The following PCDHGB1 variants were observed in gnomAD, a reference collection of about 807,000 sequenced individuals.
PCDHGB1 encodes protocadherin gamma subfamily B, 1.
Under a neutral mutation model 56.6 loss-of-function variants are expected in PCDHGB1, and 34 were observed. That is an observed-to-expected ratio of 0.60 (90% confidence interval 0.46 to 0.80). The LOEUF (loss-of-function observed/expected upper bound fraction) is 0.80. PCDHGB1 is among the 30% of genes least tolerant of loss of function. The pLI, the probability that PCDHGB1 is intolerant of heterozygous loss-of-function variation, is 0.00. For synonymous variants in PCDHGB1, 561 were observed against 505.9 expected, an observed-to-expected ratio of 1.11 and a Z score of -1.46; for missense variants, 1,278 against 1,204.6, an observed-to-expected ratio of 1.06 and a Z score of -0.90.
intron 1 of PCDHGB1, chr5:141,366,493 G>A: frequency 4.3e-6 from 7 of 1,614,256 alleles, no homozygotes; most frequent in Non-Finnish European, 5.9e-6. Context: ...GCTGGCACAA[G>A]TCACGCCTGC....
intron 1 of PCDHGB1, chr5:141,403,542 A>T (rs561106024): frequency 1.2e-6 from 2 of 1,613,990 alleles, no homozygotes; most frequent in East Asian, 4.5e-5. Context: ...CTGGTGCTGG[A>T]GCGCGCCCTG....
At chr5:141,498,796 G>C (rs1160540093) in intron 2 of PCDHGB1, among the ~76,000 whole-genome samples, 1 of 152,032 alleles carries the variant, frequency 6.6e-6, no homozygotes, top group African/African-American at 2.4e-5. Context: ...AGCCAGGTGT[G>C]GTGGTGCACA....
At chr5:141,463,438 C>CTTTTTT (rs71576115) in intron 1 of PCDHGB1, among the ~76,000 whole-genome samples, 4 of 103,256 alleles carry the variant, frequency 3.9e-5, no homozygotes, top group African/African-American at 1.3e-4. Context: ...TTTCCTTCTC[C>CTTTTTT]TTTTTTTTTT....
At chr5:141,430,945 C>G (rs1466092130) in intron 1 of PCDHGB1, 1 of 1,609,234 alleles carries the variant, frequency 6.2e-7, no homozygotes, top group Non-Finnish European at 8.5e-7. Context: ...TCGCGGAGCG[C>G]GGAGTCCGCA....
rs143252334 is a variant in PCDHGB1 at position 141,431,395 on chromosome 5, T to A, written c.2410-63412T>A. On this transcript the variant is annotated intron_variant, in intron 1 of 3. Transcript: ENST00000523390. The surrounding 1 kb of genome is among the most constrained non-coding windows in gnomAD (Gnocchi z 4.8). ...AAAAGGCTGCTCACCACCTGGTCCT[T>A]ACGGCCTCCGACGGGGGCGACCCGG... 2 of 1,613,720 alleles carry A rather than the reference T, an allele frequency of 1.2e-6. No individual in the cohort carries two copies. Among genetic ancestry groups the A allele is most frequent in the African/African-American group, 2.7e-5 (2 of 74,950 alleles).
At chr5:141,405,448 C>G in intron 1 of PCDHGB1, 1 of 1,314,742 alleles carries the variant, frequency 7.6e-7, no homozygotes, top group Non-Finnish European at 1.1e-6. Context: ...GAGACAGAGT[C>G]TTACTCTGTT....
At chr5:141,467,055 C>CTTTTTTTTTTTT (rs1193465269) in intron 1 of PCDHGB1, among the ~76,000 whole-genome samples, 1 of 134,498 alleles carries the variant, frequency 7.4e-6, no homozygotes. Context: ...TCAATGTTTT[C>CTTTTTTTTTTTT]TTTTTTTTTT....
chr5:141,483,872 T>A (rs1373802168), intron 1 of PCDHGB1, among the ~76,000 whole-genome samples: 1 of 152,080 alleles, frequency 6.6e-6, no homozygotes, highest in African/African-American at 2.4e-5. Context: ...CAGATCAGGA[T>A]GGATTTTTCT....
At chr5:141,488,217 A>G (rs537136341) in intron 1 of PCDHGB1, among the ~76,000 whole-genome samples, 2 of 152,274 alleles carry the variant, frequency 1.3e-5, no homozygotes, top group East Asian at 1.9e-4. Flanking sequence ...TCAAGTCCCT[A>G]CTGGGGATTT....
Position 141,395,117 on chromosome 5 carries a change from G to C in PCDHGB1, c.2409+42448G>C. 4 of 1,614,192 alleles carry C rather than the reference G, an allele frequency of 2.5e-6. No homozygotes were observed. The South Asian group carries it at 4.4e-5, about 18-fold the overall frequency. ...CCGCCGACTCGCGGAAGAGTCACCT[G>C]ATCTTTCCCCAGCCCAACTACGCAG... On this transcript the variant is annotated intron_variant, in intron 1 of 3. Coordinates refer to ENST00000523390, the MANE Select transcript of PCDHGB1 (RefSeq NM_018922.3).
chr5:141,409,951 G>C (rs1480000390), intron 1 of PCDHGB1: 1 of 1,613,256 alleles, frequency 6.2e-7, no homozygotes, highest in Non-Finnish European at 8.5e-7. Flanking sequence ...GCTCTGCAGA[G>C]CCCGGCTACC....
intron 3 of PCDHGB1, among the ~76,000 whole-genome samples, chr5:141,510,691 T>C (rs1013489554): frequency 4.6e-5 from 7 of 152,138 alleles, no homozygotes; most frequent in African/African-American, 1.7e-4. Flanking sequence ...GGAGGTTAGG[T>C]AGACTTGCCC....
intron 1 of PCDHGB1, chr5:141,415,006 C>T (rs1353721901): frequency 1.2e-6 from 2 of 1,613,652 alleles, no homozygotes; most frequent in Non-Finnish European, 8.5e-7. Flanking sequence ...GCTGTCCTAC[C>T]GTCTGCTCAA....
rs371690754 is a variant in PCDHGB1 at position 141,388,891 on chromosome 5, T to C, written c.2409+36222T>C. 1.9e-5 allele frequency: 31 copies of C among 1,613,872 alleles called. No individual in the cohort carries two copies. Among genetic ancestry groups the C allele is most frequent in the Middle Eastern group, 1.6e-4 (1 of 6,062 alleles). On this transcript the variant is annotated intron_variant, in intron 1 of 3. Coordinates refer to ENST00000523390, the MANE Select transcript of PCDHGB1 (RefSeq NM_018922.3). ...CAATGCACAGTGGAGGTAGAAGTCA[T>C]AGATGAAAATGACAACGCCCCAGAA... is the stretch of plus-strand genomic sequence containing the variant.
chr5:141,418,299 G>C lies in PCDHGB1; in HGVS notation c.2409+65630G>C, dbSNP rs767901461. 5 of 1,614,046 alleles carry C rather than the reference G, an allele frequency of 3.1e-6. No individual in the cohort carries two copies. In the Admixed American group the frequency reaches 8.3e-5, roughly 27 times the overall value. On this transcript the variant is annotated intron_variant, in intron 1 of 3. Coordinates refer to ENST00000523390, the MANE Select transcript of PCDHGB1 (RefSeq NM_018922.3). ...AACTTAGAAATCAGTGAATCCGTCA[G>C]CCTGGGGATGGGAACAATTCTTGAG...
chr5:141,441,927 G>A (rs2098285195), intron 1 of PCDHGB1: 2 of 354,242 alleles, frequency 5.6e-6, no homozygotes, highest in Non-Finnish European at 1.1e-5. Flanking sequence ...ACAATGCGTG[G>A]CTGTCCTACC....
chr5:141,451,112 G>A (rs776356458), intron 1 of PCDHGB1, among the ~76,000 whole-genome samples: 9 of 152,236 alleles, frequency 5.9e-5, no homozygotes, highest in Admixed American at 1.3e-4. Flanking sequence ...ACAGGCGTGA[G>A]CCACCACACC....
At chr5:141,458,130 C>A (rs1441742986) in intron 1 of PCDHGB1, among the ~76,000 whole-genome samples, 2 of 152,248 alleles carry the variant, frequency 1.3e-5, no homozygotes, top group African/African-American at 4.8e-5. Flanking sequence ...AGGAACCAGG[C>A]AGAGAAAAAT....
At position 141,477,579 on chromosome 5, in the gene PCDHGB1, A is replaced by G. The variant is rs774773400; in HGVS notation, c.2410-17228A>G. The stretch of plus-strand genomic sequence containing the variant: ...AGTGTCTGGGACCCCGACGCCCCGC[A>G]GAATGCTCGGCTTTCTTTCTTTCTC... On this transcript the variant is annotated intron_variant, in intron 1 of 3. Coordinates refer to ENST00000523390, the MANE Select transcript of PCDHGB1 (RefSeq NM_018922.3). The surrounding 1 kb of genome is among the most constrained non-coding windows in gnomAD (Gnocchi z 4.9). The G allele has an allele frequency of 1.7e-5, 27 of 1,614,036 alleles. No individual in the cohort carries two copies. The highest frequency in any genetic ancestry group is 2.0e-5 in the Non-Finnish European group (24 of 1,180,036).
Sources: gnomAD v4.1 joint callset for allele counts (sites outside exome capture counted in the v4.1 genomes callset) on GRCh38, gnomAD v4.1.1 for gene constraint, Gnocchi (gnomAD v3.1) non-coding constraint, MANE v1.5 for transcripts, NCBI Gene and HGNC (gene_info 2026-07-23, HGNC 2026-07-21) for gene names.